PXDNL: variants seen among roughly 807,000 people sequenced by gnomAD.
PXDNL encodes peroxidasin like.
In PXDNL, 145 loss-of-function variants were observed where a neutral mutation model predicts 150.8. The observed-to-expected ratio is 0.96, with a 90% CI of 0.84 to 1.10. The LOEUF (loss-of-function observed/expected upper bound fraction) is 1.10. Ranked by LOEUF, PXDNL falls within the 50% of genes least tolerant of loss-of-function variation. PXDNL has a pLI of 0.00. For missense variants in PXDNL, 2,087 were observed against 1,873.9 expected, an observed-to-expected ratio of 1.11 and a Z score of -2.10; for synonymous variants, 757 against 725.7, an observed-to-expected ratio of 1.04 and a Z score of -0.69.
intron 19 of PXDNL, among the ~76,000 whole-genome samples, chr8:51,347,256 A>T (rs1469606876): frequency 6.6e-6 from 1 of 152,224 alleles, no homozygotes; most frequent in African/African-American, 2.4e-5. Context: ...TCTTCACCTT[A>T]TCATATGTAA....
intron 4 of PXDNL, among the ~76,000 whole-genome samples, chr8:51,534,043 C>G (rs972799097): frequency 6.8e-6 from 1 of 146,564 alleles, no homozygotes; most frequent in Non-Finnish European, 1.5e-5. Flanking sequence ...AAGCGAGGAG[C>G]GCCTCTTCCC....
chr8:51,628,903 G>A (rs1425155830), intron 2 of PXDNL, among the ~76,000 whole-genome samples: 1 of 148,746 alleles, frequency 6.7e-6, no homozygotes, highest in Non-Finnish European at 1.5e-5. Flanking sequence ...ATCTTGAAGA[G>A]GGGAAAAAAA....
chr8:51,723,068 C>A (rs1563300668), intron 1 of PXDNL, among the ~76,000 whole-genome samples: 1 of 151,824 alleles, frequency 6.6e-6, no homozygotes, highest in Admixed American at 6.6e-5. Flanking sequence ...ATAGCATATA[C>A]CTGCCCCACA....
intron 1 of PXDNL, among the ~76,000 whole-genome samples, chr8:51,696,097 T>C (rs755071247): frequency 4.6e-5 from 7 of 152,216 alleles, no homozygotes; most frequent in Non-Finnish European, 8.8e-5. Flanking sequence ...CTTGGCCTTG[T>C]ACACTTGATA....
chr8:51,409,053 C>T lies in PXDNL; in HGVS notation c.2571G>A (p.Ala857=), dbSNP rs748149785. 31 of 1,609,760 alleles carry T rather than the reference C, an allele frequency of 1.9e-5. No homozygotes were observed. Among genetic ancestry groups the T allele is most frequent in the Middle Eastern group, 3.3e-4 (2 of 6,080 alleles). Residue 857 remains alanine, a synonymous_variant, in exon 17 of 23, where the codon GCG becomes GCA. Transcript: ENST00000356297. ...TGGAGCGCGCGAAGAGCATGCAGGGCGCGTGGGTGCCCCGGGGGTCGGCGT... is the reference window on the plus strand; with the variant it reads ...TGGAGCGCGCGAAGAGCATGCAGGGTGCGTGGGTGCCCCGGGGGTCGGCGT... ...TRHADPRGTH[A]PCMLFARSSP... is the part of the protein sequence containing the mutation.
chr8:51,752,092 T>G (rs2037051048), intron 1 of PXDNL, among the ~76,000 whole-genome samples: 1 of 152,240 alleles, frequency 6.6e-6, no homozygotes, highest in African/African-American at 2.4e-5. Context: ...ACTGTAAGTA[T>G]GCATTCATCT....
At chr8:51,337,812 G>A in intron 21 of PXDNL, among the ~76,000 whole-genome samples, 1 of 151,464 alleles carries the variant, frequency 6.6e-6, no homozygotes, top group East Asian at 1.9e-4. Flanking sequence ...AGCAGAGGTT[G>A]CAGCGAGCTG....
chr8:51,614,135 T>G (rs1201497150), intron 2 of PXDNL, among the ~76,000 whole-genome samples: 2 of 152,242 alleles, frequency 1.3e-5, no homozygotes, highest in African/African-American at 2.4e-5. Context: ...CTTTCAGAAT[T>G]ATAGAATCTA....
chr8:51,578,007 A>G (rs1254115255), intron 3 of PXDNL, among the ~76,000 whole-genome samples: 1 of 87,932 alleles, frequency 1.1e-5, no homozygotes, highest in Non-Finnish European at 2.2e-5. Context: ...AAGAGGAAGG[A>G]AGGAAGGAAG....
intron 1 of PXDNL, among the ~76,000 whole-genome samples, chr8:51,760,400 T>C (rs2037148899): frequency 6.6e-6 from 1 of 152,108 alleles, no homozygotes; most frequent in Non-Finnish European, 1.5e-5. Flanking sequence ...ATGAGTAGCA[T>C]TGTGTTCTAA....
At chr8:51,608,337 C>T (rs1345564677) in intron 2 of PXDNL, among the ~76,000 whole-genome samples, 1 of 137,216 alleles carries the variant, frequency 7.3e-6, no homozygotes. Context: ...TGCAGTGAGC[C>T]GAGATTGCAC....
At chr8:51,785,229 G>T (rs1355947442) in intron 1 of PXDNL, among the ~76,000 whole-genome samples, 1 of 151,940 alleles carries the variant, frequency 6.6e-6, no homozygotes, top group African/African-American at 2.4e-5. Context: ...ATACAATGCT[G>T]GTTGTTTGTA....
At position 51,408,272 on chromosome 8, in the gene PXDNL, G is replaced by A; in HGVS notation, c.3352C>T (p.Leu1118Phe). ...AGCCTCTGGGTCAGCTCAGGACTGA[G>A]AAGGTAGGAGGGTGCCCGCCATTTA... ...AAKWRAPSYLLSPELTQRLFS... is the reference protein window; with the variant it reads ...AAKWRAPSYLFSPELTQRLFS... Residue 1118 changes from leucine (L) to phenylalanine (F), a missense_variant, in exon 17 of 23, where the codon CTC becomes TTC. Physicochemically the swap from Leu to Phe is conservative, Grantham distance 22. Coordinates refer to ENST00000356297, the MANE Select transcript of PXDNL (RefSeq NM_144651.5). 2 of 1,614,002 alleles carry A rather than the reference G, an allele frequency of 1.2e-6. No individual in the cohort carries two copies. Among genetic ancestry groups the A allele is most frequent in the Non-Finnish European group, 8.5e-7 (1 of 1,179,896 alleles).
intron 19 of PXDNL, among the ~76,000 whole-genome samples, chr8:51,347,500 ACT>A (rs1053522031): frequency 9.9e-5 from 15 of 152,216 alleles, no homozygotes; most frequent in Admixed American, 9.8e-4. Flanking sequence ...TATGGTTGTT[ACT>A]TGTTTTCTTT....
intron 14 of PXDNL, among the ~76,000 whole-genome samples, chr8:51,413,835 T>C (rs1348162117): frequency 9.2e-5 from 14 of 152,188 alleles, no homozygotes; most frequent in Non-Finnish European, 7.4e-5. Context: ...CTTCTTCAAA[T>C]AATGGTTTAA....
At chr8:51,696,807 A>T (rs113496741) in intron 1 of PXDNL, among the ~76,000 whole-genome samples, 3 of 1,548 alleles carry the variant, frequency 1.9e-3, no homozygotes, top group African/African-American at 0.014. Context: ...ATAGGTCTTC[A>T]CACACACACA....
At chr8:51,504,476 C>T (rs1811246246) in intron 4 of PXDNL, among the ~76,000 whole-genome samples, 1 of 152,148 alleles carries the variant, frequency 6.6e-6, no homozygotes, top group Non-Finnish European at 1.5e-5. Flanking sequence ...TAAACCTTCC[C>T]ACCCTTCTTG....
chr8:51,658,279 C>T (rs1815193866), intron 1 of PXDNL, among the ~76,000 whole-genome samples: 1 of 141,786 alleles, frequency 7.1e-6, no homozygotes, highest in South Asian at 2.2e-4. Context: ...GAGGTAAAAG[C>T]TATAATGAGC....
chr8:51,612,365 G>A (rs1162762548), intron 2 of PXDNL, among the ~76,000 whole-genome samples: 1 of 152,102 alleles, frequency 6.6e-6, no homozygotes, highest in East Asian at 1.9e-4. Context: ...AGATTTGTGG[G>A]GGGCTAACAA....
Sources: allele counts gnomAD v4.1 joint callset (sites outside exome capture counted in the v4.1 genomes callset), GRCh38; gene constraint gnomAD v4.1.1; transcripts MANE v1.5; gene names NCBI Gene and HGNC (gene_info 2026-07-23, HGNC 2026-07-21).